Variants in DGKB observed in about 807,000 individuals in gnomAD.
The protein encoded by DGKB is diacylglycerol kinase beta.
In DGKB, 67 loss-of-function variants were observed where a neutral mutation model predicts 114.3. The observed-to-expected ratio is 0.59, with a 90% CI of 0.48 to 0.72. The LOEUF (loss-of-function observed/expected upper bound fraction) is 0.72. DGKB is among the 30% of genes least tolerant of loss of function. The pLI, the probability that DGKB is intolerant of heterozygous loss-of-function variation, is 0.00. For missense variants in DGKB, 907 were observed against 975.2 expected (o/e 0.93, Z 0.93); for synonymous variants, 398 against 323.1 (o/e 1.23, Z -2.49).
chr7:14,281,039 T>C (rs1189922783), intron 23 of DGKB, among the ~76,000 whole-genome samples: 1 of 149,782 alleles, frequency 6.7e-6, no homozygotes, highest in Non-Finnish European at 1.5e-5. Flanking sequence ...ATGGACTAAA[T>C]GCTCCAATTA....
chr7:14,303,397 T>TA (rs1222342262), intron 23 of DGKB, among the ~76,000 whole-genome samples: 1 of 152,126 alleles, frequency 6.6e-6, no homozygotes, highest in Non-Finnish European at 1.5e-5. Flanking sequence ...CTTTCCAGAG[T>TA]AAAAAATCAA....
At chr7:14,429,463 T>G (rs1282958688) in intron 21 of DGKB, among the ~76,000 whole-genome samples, 1 of 152,178 alleles carries the variant, frequency 6.6e-6, no homozygotes, top group Non-Finnish European at 1.5e-5. Context: ...TGTTTGTTGT[T>G]TAAGCCACTC....
intron 23 of DGKB, among the ~76,000 whole-genome samples, chr7:14,275,285 T>C (rs1277927403): frequency 6.6e-6 from 1 of 152,194 alleles, no homozygotes; most frequent in Non-Finnish European, 1.5e-5. Context: ...TCCCAACTCC[T>C]AATACAGGCC....
chr7:14,352,971 TAATAATAA>T (rs1267546706), intron 21 of DGKB, among the ~76,000 whole-genome samples: 1 of 151,974 alleles, frequency 6.6e-6, no homozygotes. Flanking sequence ...AAATGTTTCA[TAATAATAA>T]AAGTGTCCCT....
In DGKB at chr7:14,701,745, G is replaced by T; in HGVS notation, c.467-15C>A. 1.3e-6 allele frequency: 2 copies of T among 1,588,846 alleles called. No individual in the cohort carries two copies. Among genetic ancestry groups the T allele is most frequent in the Non-Finnish European group, 1.7e-6 (2 of 1,158,128 alleles). ...GCGAAACATAACTAGAATGAAAGAG[G>T]TGTTGAAAACAAGATTATAGGCAAA... On this transcript the variant is annotated splice_polypyrimidine_tract_variant and intron_variant, in intron 6 of 25. Coordinates refer to ENST00000402815, the MANE Select transcript of DGKB (RefSeq NM_001350709.2).
At chr7:14,340,159 C>CT (rs35208788) in intron 22 of DGKB, among the ~76,000 whole-genome samples, 6,610 of 89,064 alleles carry the variant, frequency 0.074, 345 homozygotes, top group East Asian at 0.25. Context: ...CTGGATGATG[C>CT]TTTTTTTTTT....
At chr7:14,568,244 C>T (rs1013166949) in intron 20 of DGKB, among the ~76,000 whole-genome samples, 4 of 152,148 alleles carry the variant, frequency 2.6e-5, no homozygotes, top group South Asian at 4.1e-4. Flanking sequence ...TGGACCATCA[C>T]TGTGGAAGAA....
chr7:14,641,615 T>C (rs1291206260), intron 13 of DGKB, among the ~76,000 whole-genome samples: 1 of 152,096 alleles, frequency 6.6e-6, no homozygotes, highest in East Asian at 1.9e-4. Flanking sequence ...TATACAATAA[T>C]CCTGACGCCT....
At chr7:14,479,576 C>T (rs1782689071) in intron 20 of DGKB, among the ~76,000 whole-genome samples, 1 of 152,106 alleles carries the variant, frequency 6.6e-6, no homozygotes, top group Non-Finnish European at 1.5e-5. Context: ...ACATGGCCAA[C>T]TTCCTGGTTT....
intron 20 of DGKB, among the ~76,000 whole-genome samples, chr7:14,556,204 G>GT (rs1486916187): frequency 3.3e-5 from 5 of 151,992 alleles, no homozygotes; most frequent in Non-Finnish European, 7.4e-5. Flanking sequence ...ATGCTGAGTG[G>GT]TTTTTTAACT....
chr7:14,894,329 T>C (rs975430350), intron 1 of DGKB, among the ~76,000 whole-genome samples: 1 of 151,382 alleles, frequency 6.6e-6, no homozygotes, highest in African/African-American at 2.4e-5. Context: ...CTCATGAGGA[T>C]CAGCAAAACG....
At chr7:14,790,448 ACATC>A (rs57172001) in intron 2 of DGKB, among the ~76,000 whole-genome samples, 55,353 of 151,704 alleles carry the variant, frequency 0.36, 11,608 homozygotes, top group African/African-American at 0.59. Flanking sequence ...ATATAAGACC[ACATC>A]CATTTTGTTT....
At chr7:14,846,791 G>T (rs1426884330) in intron 1 of DGKB, among the ~76,000 whole-genome samples, 1 of 152,140 alleles carries the variant, frequency 6.6e-6, no homozygotes, top group African/African-American at 2.4e-5. Context: ...AAGCTCTTTG[G>T]GCCACTGTAC....
intron 1 of DGKB, among the ~76,000 whole-genome samples, chr7:14,910,086 T>C (rs763835982): frequency 2.0e-5 from 3 of 151,780 alleles, no homozygotes; most frequent in Non-Finnish European, 4.4e-5. Flanking sequence ...TTCATGCCTG[T>C]AGTCTCAACT....
At chr7:14,874,764 G>C (rs537369614) in intron 1 of DGKB, among the ~76,000 whole-genome samples, 1 of 151,986 alleles carries the variant, frequency 6.6e-6, no homozygotes, top group Non-Finnish European at 1.5e-5. Context: ...ATTATATGCC[G>C]ATCTTCTAGG....
At chr7:14,435,588 AT>A (rs1443605061) in intron 21 of DGKB, among the ~76,000 whole-genome samples, 1 of 152,154 alleles carries the variant, frequency 6.6e-6, no homozygotes, top group Non-Finnish European at 1.5e-5. Flanking sequence ...TACAAGAACC[AT>A]TGACATTAAT....
chr7:14,643,901 T>C (rs1462502006), intron 13 of DGKB, among the ~76,000 whole-genome samples: 1 of 152,094 alleles, frequency 6.6e-6, no homozygotes, highest in Non-Finnish European at 1.5e-5. Context: ...TCTCCAATAG[T>C]GGGGCTGCTG....
chr7:14,717,432 T>C (rs2128347009), intron 6 of DGKB, among the ~76,000 whole-genome samples: 1 of 152,296 alleles, frequency 6.6e-6, no homozygotes, highest in African/African-American at 2.4e-5. Context: ...CAGATTTCTG[T>C]AAGTTCTTAG....
At chr7:14,950,653 C>T (rs1786144555) in intron 1 of DGKB, among the ~76,000 whole-genome samples, 1 of 151,930 alleles carries the variant, frequency 6.6e-6, no homozygotes, top group Admixed American at 6.6e-5. Flanking sequence ...GCATGCATTT[C>T]TTCACTGGTG....
Sources: allele counts gnomAD v4.1 joint callset (sites outside exome capture counted in the v4.1 genomes callset), GRCh38; gene constraint gnomAD v4.1.1; transcripts MANE v1.5; gene names NCBI Gene and HGNC (gene_info 2026-07-23, HGNC 2026-07-21).